Variants in NRXN3 observed in about 807,000 individuals in gnomAD.
NRXN3 encodes the protein neurexin 3.
A neutral mutation model predicts 137.6 loss-of-function variants in NRXN3; 32 were observed. That is an observed-to-expected ratio of 0.23 (90% confidence interval 0.18 to 0.31). NRXN3 has a LOEUF of 0.31. Among genes scored for constraint, NRXN3 ranks in the 10% least tolerant of loss-of-function variants. The probability of loss-of-function intolerance (pLI) is 1.00; values close to 1 mark genes in which losing one functional copy is unlikely to be tolerated. For missense variants in NRXN3, 1,574 were observed against 2,062.5 expected (o/e 0.76, Z 4.59); for synonymous variants, 798 against 784.5 (o/e 1.02, Z -0.29).
chr14:79,792,233 A>ATGC (rs2099147513), intron 19 of NRXN3, among the ~76,000 whole-genome samples: 1 of 152,220 alleles, frequency 6.6e-6, no homozygotes, highest in South Asian at 2.1e-4. Flanking sequence ...GAGGAAATCT[A>ATGC]TGCTGCTGTA....
chr14:79,424,300 A>G (rs1179546614), intron 15 of NRXN3, among the ~76,000 whole-genome samples: 1 of 152,244 alleles, frequency 6.6e-6, no homozygotes, highest in Non-Finnish European at 1.5e-5. Context: ...TATTAATTCT[A>G]CAAAGAGCTA....
At chr14:79,350,011 G>A (rs1599011210) in intron 15 of NRXN3, among the ~76,000 whole-genome samples, 1 of 152,102 alleles carries the variant, frequency 6.6e-6, no homozygotes, top group East Asian at 1.9e-4. Flanking sequence ...AGCATCACTA[G>A]CAAACTAATA....
At chr14:78,568,320 G>C (rs2096855757) in intron 4 of NRXN3, among the ~76,000 whole-genome samples, 1 of 152,160 alleles carries the variant, frequency 6.6e-6, no homozygotes, top group Admixed American at 6.5e-5. Context: ...TGGAAAGACA[G>C]AAGAAGAACT....
chr14:79,441,536 C>T (rs77298059), intron 15 of NRXN3, among the ~76,000 whole-genome samples: 3,797 of 151,766 alleles, frequency 0.025, 75 homozygotes, highest in South Asian at 0.062. Flanking sequence ...CCCGCCACCG[C>T]ACCCGGCTAA....
intron 8 of NRXN3, among the ~76,000 whole-genome samples, chr14:78,719,108 A>G (rs377328534): frequency 1.3e-5 from 2 of 152,232 alleles, no homozygotes; most frequent in African/African-American, 4.8e-5. Context: ...TTATTTGTAC[A>G]TCATGGAGCT....
At chr14:78,909,462 G>C (rs755135852) in intron 10 of NRXN3, among the ~76,000 whole-genome samples, 47 of 152,134 alleles carry the variant, frequency 3.1e-4, no homozygotes, top group Non-Finnish European at 5.3e-4. Context: ...AAATGCCCAA[G>C]AAAGCTTCAA....
intron 8 of NRXN3, among the ~76,000 whole-genome samples, chr14:78,738,224 A>G (rs1026919412): frequency 3.3e-5 from 5 of 152,202 alleles, no homozygotes; most frequent in African/African-American, 1.2e-4. Flanking sequence ...TGTGCCATAC[A>G]TTGTGCTAAG....
chr14:78,835,484 G>A (rs1032708084), intron 10 of NRXN3, among the ~76,000 whole-genome samples: 1 of 151,968 alleles, frequency 6.6e-6, no homozygotes, highest in Non-Finnish European at 1.5e-5. Context: ...CAGGTTGTGG[G>A]GCATCTGTGT....
At chr14:79,692,092 C>T in intron 17 of NRXN3, 81 bp from the exon 18 acceptor site, 1 of 1,109,632 alleles carries the variant, frequency 9.0e-7, no homozygotes, top group Non-Finnish European at 1.3e-6. Flanking sequence ...CTTCATAAAA[C>T]AAACCAAAAA....
At chr14:78,990,992 A>G (rs766047350) in intron 15 of NRXN3, among the ~76,000 whole-genome samples, 36 of 152,198 alleles carry the variant, frequency 2.4e-4, no homozygotes, top group Admixed American at 6.5e-4. Context: ...AGTTACCTGC[A>G]TGATATTCTA....
chr14:78,603,910 C>T (rs963726162), intron 4 of NRXN3, among the ~76,000 whole-genome samples: 3 of 152,120 alleles, frequency 2.0e-5, no homozygotes, highest in Admixed American at 2.0e-4. Context: ...TCCCTCTTCT[C>T]CTGTGTATTA....
intron 4 of NRXN3, among the ~76,000 whole-genome samples, chr14:78,375,756 A>T (rs1056115718): frequency 3.3e-5 from 5 of 152,190 alleles, no homozygotes; most frequent in Non-Finnish European, 5.9e-5. Flanking sequence ...GTGGCATTTT[A>T]TCTGAAATCT....
At chr14:79,726,722 A>G (rs2098891953) in intron 19 of NRXN3, among the ~76,000 whole-genome samples, 1 of 152,176 alleles carries the variant, frequency 6.6e-6, no homozygotes, top group African/African-American at 2.4e-5. Context: ...AATATGCTGA[A>G]AGACCACTGG....
intron 4 of NRXN3, among the ~76,000 whole-genome samples, chr14:78,311,210 C>T (rs999854055): frequency 5.9e-5 from 9 of 152,160 alleles, no homozygotes; most frequent in Admixed American, 4.6e-4. Context: ...GAGGCAGTAT[C>T]TGATTTTGTT....
At chr14:79,135,504 A>G (rs1333470987) in intron 15 of NRXN3, among the ~76,000 whole-genome samples, 22 of 152,186 alleles carry the variant, frequency 1.4e-4, no homozygotes, top group Admixed American at 1.4e-3. Flanking sequence ...CAATACCCCA[A>G]GGTAACTTTC....
At chr14:78,501,548 G>T (rs1235766419) in intron 4 of NRXN3, among the ~76,000 whole-genome samples, 2 of 152,168 alleles carry the variant, frequency 1.3e-5, no homozygotes, top group Non-Finnish European at 2.9e-5. Flanking sequence ...TTCAAAAAAA[G>T]CTACTTACTA....
At chr14:79,447,350 TA>T (rs200730720) in intron 15 of NRXN3, among the ~76,000 whole-genome samples, 218 of 151,600 alleles carry the variant, frequency 1.4e-3, no homozygotes, top group African/African-American at 5.1e-3. Flanking sequence ...AAAGTATTTG[TA>T]AAAAAAAATA....
chr14:78,804,325 G>T (rs2098848283), intron 9 of NRXN3, among the ~76,000 whole-genome samples: 1 of 152,164 alleles, frequency 6.6e-6, no homozygotes, highest in Non-Finnish European at 1.5e-5. Context: ...GAATTCTGGT[G>T]GCCTTGATGA....
chr14:78,645,607 T>C (rs1159993408), intron 5 of NRXN3, among the ~76,000 whole-genome samples, 186 bp downstream of exon 5: 1 of 151,342 alleles, frequency 6.6e-6, no homozygotes, highest in Non-Finnish European at 1.5e-5. Flanking sequence ...TTTCTCCACA[T>C]ACTTCAATTC....
Sources: allele counts gnomAD v4.1 joint callset (sites outside exome capture counted in the v4.1 genomes callset), GRCh38; gene constraint gnomAD v4.1.1; transcripts MANE v1.5; gene names NCBI Gene and HGNC (gene_info 2026-07-23, HGNC 2026-07-21).